Variants in TENM1 observed in about 807,000 individuals in gnomAD.
TENM1 encodes the protein teneurin-1.
In TENM1, 35 loss-of-function variants were observed where a neutral mutation model predicts 174.8. The ratio of observed to expected loss-of-function variants is 0.20; its 90% CI spans 0.15 to 0.27. The LOEUF is 0.27. Among genes scored for constraint, TENM1 ranks in the 10% least tolerant of loss-of-function variants. The pLI is 1.00. For missense variants in TENM1, 1,633 were observed against 2,130.1 expected (o/e 0.77, Z 4.59); for synonymous variants, 781 against 798.7 (o/e 0.98, Z 0.37).
At chrX:124,954,001 C>G (rs762036352) in intron 1 of TENM1, among the ~76,000 whole-genome samples, 1 of 111,693 alleles carries the variant, frequency 9.0e-6, no homozygotes, top group South Asian at 3.7e-4. Flanking sequence ...AGCAGCAAGA[C>G]CAAAGAATTT....
chrX:125,099,238 A>G, the TENM1 span, among the ~76,000 whole-genome samples: 1 of 111,958 alleles, frequency 8.9e-6, no homozygotes, highest in East Asian at 2.8e-4. Flanking sequence ...TGTATTGTCT[A>G]TCCCATTCAG....
chrX:124,481,057 G>A (rs1023670002), intron 22 of TENM1, among the ~76,000 whole-genome samples: 2 of 111,674 alleles, frequency 1.8e-5, no homozygotes, highest in Admixed American at 1.9e-4. Context: ...GGTCTTTGAA[G>A]ACTGAGAAGT....
chrX:124,864,350 T>C (rs1311705994), intron 3 of TENM1, among the ~76,000 whole-genome samples: 1 of 111,331 alleles, frequency 9.0e-6, no homozygotes, highest in Non-Finnish European at 1.9e-5. Context: ...AAATTCAAGA[T>C]AACAAAAAGA....
intron 5 of TENM1, 28 bp from the exon 9 acceptor site, chrX:124,671,863 T>G: frequency 8.3e-7 from 1 of 1,202,565 alleles, no homozygotes; most frequent in African/African-American, 1.7e-5. Context: ...ATACATTAAT[T>G]TATTCCAGAC....
the TENM1 span, among the ~76,000 whole-genome samples, chrX:125,186,928 C>A: frequency 8.9e-6 from 1 of 111,753 alleles, no homozygotes; most frequent in Non-Finnish European, 1.9e-5. Context: ...TTATATATAC[C>A]CAGTATGAAG....
At chrX:124,619,837 T>C (rs1307152220) in intron 11 of TENM1, among the ~76,000 whole-genome samples, 2 of 111,979 alleles carry the variant, frequency 1.8e-5, no homozygotes, top group Non-Finnish European at 3.8e-5. Context: ...GAATGGCTCA[T>C]AGTAAAAGGT....
chrX:125,142,272 C>T, the TENM1 span, among the ~76,000 whole-genome samples: 2 of 111,142 alleles, frequency 1.8e-5, no homozygotes, highest in Non-Finnish European at 3.8e-5. Context: ...ACATGATTTC[C>T]CTAGATAGCT....
At chrX:124,741,664 G>T (rs902684108) in intron 3 of TENM1, among the ~76,000 whole-genome samples, 9 of 112,024 alleles carry the variant, frequency 8.0e-5, no homozygotes, top group Non-Finnish European at 1.5e-4. Context: ...GTTGCAAATT[G>T]TGAGTTATTG....
At chrX:124,670,754 A>G (rs952965014) in intron 6 of TENM1, among the ~76,000 whole-genome samples, 5 of 111,330 alleles carry the variant, frequency 4.5e-5, no homozygotes, top group Non-Finnish European at 7.5e-5. Flanking sequence ...AGTAACCCAA[A>G]TAACTACTGT....
chrX:124,727,332 A>G (rs1047895946), intron 4 of TENM1, among the ~76,000 whole-genome samples: 5 of 112,398 alleles, frequency 4.4e-5, no homozygotes, highest in African/African-American at 1.3e-4. Context: ...TTCTGAAAAA[A>G]TAATTACCAT....
At chrX:124,547,459 T>C (rs2048457086) in intron 14 of TENM1, among the ~76,000 whole-genome samples, 1 of 112,383 alleles carries the variant, frequency 8.9e-6, no homozygotes, top group Non-Finnish European at 1.9e-5. Context: ...CGATGATTTC[T>C]TGTAAGTACA....
At chrX:124,832,248 A>T (rs1328552211) in intron 3 of TENM1, among the ~76,000 whole-genome samples, 1 of 112,510 alleles carries the variant, frequency 8.9e-6, no homozygotes, top group African/African-American at 3.2e-5. Context: ...AACAAAAATA[A>T]CTGCCTGTAT....
At chrX:125,037,839 G>A in the TENM1 span, among the ~76,000 whole-genome samples, 7 of 111,236 alleles carry the variant, frequency 6.3e-5, no homozygotes, top group African/African-American at 1.3e-4. Context: ...TCTCAGTACC[G>A]TGCACCACAC....
chrX:124,691,108 T>C (rs377546042), intron 5 of TENM1, among the ~76,000 whole-genome samples: 1 of 111,396 alleles, frequency 9.0e-6, no homozygotes, highest in African/African-American at 3.3e-5. Context: ...TCAATATATT[T>C]ACCTGTTTGC....
intron 3 of TENM1, among the ~76,000 whole-genome samples, chrX:124,797,265 T>A (rs1332643104): frequency 8.9e-6 from 1 of 111,867 alleles, no homozygotes; most frequent in Non-Finnish European, 1.9e-5. Flanking sequence ...TGGCTTTCTC[T>A]CTTCAATCAG....
the TENM1 span, among the ~76,000 whole-genome samples, chrX:125,083,612 A>T: frequency 3.6e-5 from 4 of 111,454 alleles, no homozygotes; most frequent in African/African-American, 1.3e-4. Context: ...AGATGCCAAA[A>T]AACATGGTAA....
chrX:125,193,612 A>C, the TENM1 span, among the ~76,000 whole-genome samples: 199 of 111,103 alleles, frequency 1.8e-3, 2 homozygotes, highest in African/African-American at 5.3e-3. Flanking sequence ...CATGAACTTG[A>C]CTACCTGTGG....
intron 3 of TENM1, among the ~76,000 whole-genome samples, chrX:124,748,735 A>G (rs1480482638): frequency 8.9e-6 from 1 of 112,320 alleles, no homozygotes; most frequent in Non-Finnish European, 1.9e-5. Flanking sequence ...TAAGTTACAG[A>G]TATTAGAATC....
At chrX:124,433,011 T>C (rs1187978843) in intron 23 of TENM1, among the ~76,000 whole-genome samples, 1 of 111,902 alleles carries the variant, frequency 8.9e-6, no homozygotes, top group Non-Finnish European at 1.9e-5. Context: ...GGAATTTATG[T>C]GTTAGAGTGG....
Sources: gnomAD v4.1 joint callset for allele counts (sites outside exome capture counted in the v4.1 genomes callset) on GRCh38, gnomAD v4.1.1 for gene constraint, MANE v1.5 for transcripts, NCBI Gene and HGNC (gene_info 2026-07-23, HGNC 2026-07-21) for gene names.